The following MROH9 variants were observed in gnomAD, a reference collection of about 807,000 sequenced individuals.
The protein encoded by MROH9 is maestro heat like repeat family member 9, also known as maestro heat-like repeat-containing protein family member 9.
A neutral mutation model predicts 98.2 loss-of-function variants in MROH9; 92 were observed. The observed-to-expected ratio is 0.94, with a 90% CI of 0.79 to 1.11. The LOEUF (loss-of-function observed/expected upper bound fraction) is 1.11. MROH9 is among the 50% of genes most tolerant of loss of function. The pLI, the probability that MROH9 is intolerant of heterozygous loss-of-function variation, is 0.00. For missense variants in MROH9, 1,057 were observed against 1,014.8 expected (o/e 1.04, Z -0.57); for synonymous variants, 397 against 368.9 (o/e 1.08, Z -0.87).
In MROH9 at chr1:171,062,204, G is replaced by A; in HGVS notation, c.2344+10G>A. 2 of 1,534,096 alleles carry A rather than the reference G, an allele frequency of 1.3e-6. No homozygotes were observed. Among genetic ancestry groups the A allele is most frequent in the East Asian group, 2.5e-5 (1 of 40,766 alleles). On this transcript the variant is annotated intron_variant, in intron 21 of 21. Coordinates refer to ENST00000367759, the MANE Select transcript of MROH9 (RefSeq NM_001163629.2). ...GAAGTCATGCTTGATGGTGAGTATT[G>A]AGGTTATAACAAAATCTTTATGCAT...
At chr1:170,988,027 G>A (rs1651215109) in intron 10 of MROH9, among the ~76,000 whole-genome samples, 1 of 152,180 alleles carries the variant, frequency 6.6e-6, no homozygotes, top group Non-Finnish European at 1.5e-5. Context: ...AGGAACAATG[G>A]CAGACTCACA....
chr1:171,012,669 A>AT (rs1455724527), intron 15 of MROH9, among the ~76,000 whole-genome samples: 5 of 151,488 alleles, frequency 3.3e-5, no homozygotes, highest in African/African-American at 9.7e-5. Context: ...CGCCTGGCTA[A>AT]TTTTTTGTAT....
chr1:170,961,974 A>C lies in MROH9; in HGVS notation c.373A>C (p.Lys125Gln), dbSNP rs1294276333. The change falls in exon 6 of 22, where the codon AAG (lysine) becomes CAG (glutamine). Residue 125 changes from lysine (K) to glutamine (Q), a missense_variant and splice_region_variant. By Grantham distance (53) the Lys-to-Gln change is moderately conservative (BLOSUM62 1). Transcript: ENST00000367759. Reference sequence around the variant, plus strand: ...AGACCTCTACAAACTACAGATCTTAAAGGTAAAGAGGAAATAAGTAGTTTA... The same window carrying C: ...AGACCTCTACAAACTACAGATCTTACAGGTAAAGAGGAAATAAGTAGTTTA... Reference protein sequence around the residue: ...SKDLYKLQILKEMLVWMSKDS... With the variant: ...SKDLYKLQILQEMLVWMSKDS... 1 of 1,500,156 alleles carries C rather than the reference A, an allele frequency of 6.7e-7. No individual in the cohort carries two copies. The highest frequency in any genetic ancestry group is 9.1e-7 in the Non-Finnish European group (1 of 1,104,342). The allele number at this position is 1,500,156 out of a possible 1,614,324, so 92.9% of individuals were successfully genotyped here.
At chr1:171,051,455 G>T (rs1478009971) in intron 20 of MROH9, among the ~76,000 whole-genome samples, 1 of 152,044 alleles carries the variant, frequency 6.6e-6, no homozygotes, top group Non-Finnish European at 1.5e-5. Flanking sequence ...GGATGAAGCT[G>T]GAAGCCATTA....
intron 1 of MROH9, among the ~76,000 whole-genome samples, chr1:170,942,100 C>T (rs1383199080): frequency 6.6e-6 from 1 of 152,154 alleles, no homozygotes; most frequent in Non-Finnish European, 1.5e-5. Context: ...TGTTATCCTA[C>T]AGCTTTAATA....
chr1:170,944,429 A>G (rs1649241049), intron 1 of MROH9, among the ~76,000 whole-genome samples: 1 of 152,068 alleles, frequency 6.6e-6, no homozygotes, highest in African/African-American at 2.4e-5. Context: ...TAGTGATAAA[A>G]TCTGTTATGT....
At chr1:171,004,144 A>C (rs1291412189) in intron 15 of MROH9, among the ~76,000 whole-genome samples, 1 of 152,138 alleles carries the variant, frequency 6.6e-6, no homozygotes, top group Non-Finnish European at 1.5e-5. Context: ...GGCAGGCTTG[A>C]AAACTTGCCC....
intron 20 of MROH9, among the ~76,000 whole-genome samples, chr1:171,047,413 TTTGC>T (rs1187306850): frequency 6.6e-6 from 1 of 152,202 alleles, no homozygotes; most frequent in African/African-American, 2.4e-5. Flanking sequence ...CACTAATTCT[TTTGC>T]TTGATGAATT....
At chr1:171,028,333 T>C (rs1363602653) in intron 20 of MROH9, among the ~76,000 whole-genome samples, 1 of 152,148 alleles carries the variant, frequency 6.6e-6, no homozygotes, top group Non-Finnish European at 1.5e-5. Flanking sequence ...AATCAGATGA[T>C]TGTAGATGTG....
intron 20 of MROH9, 102 bp from the exon 21 acceptor site, chr1:171,062,030 A>G (rs1032985796): frequency 1.4e-6 from 1 of 698,444 alleles, no homozygotes; most frequent in Non-Finnish European, 2.5e-6. Flanking sequence ...TAATATAGAG[A>G]TGCTTTGCTT....
chr1:171,014,096 T>G (rs1301093325), intron 15 of MROH9, 21 bp from the exon 16 acceptor site: 2 of 1,545,690 alleles, frequency 1.3e-6, no homozygotes, highest in Non-Finnish European at 1.7e-6. Context: ...GCTTATAAAC[T>G]TATTAACTAT....
chr1:171,012,580 G>A (rs933977893), intron 15 of MROH9, among the ~76,000 whole-genome samples: 12 of 136,738 alleles, frequency 8.8e-5, no homozygotes, highest in Non-Finnish European at 1.1e-4. Context: ...TCGGCTCACC[G>A]CAAGCTCCGC....
rs752398649 is a variant in MROH9, at chr1:170,992,288, A to G, written c.1153A>G (p.Lys385Glu). The change falls in exon 12 of 22, where the codon AAA becomes GAA. Residue 385 changes from lysine to glutamate, a missense_variant. Lys to Glu is a moderately conservative substitution (Grantham distance 56). Coordinates refer to ENST00000367759, the MANE Select transcript of MROH9 (RefSeq NM_001163629.2). ...GEMEDTVTEG[K>E]RFSLDITNLM... ...AATGGAGGACACCGTAACGGAAGGG[A>G]AACGTTTCTCTCTTGATATTACCAA... 3 of 1,613,536 alleles carry G rather than the reference A, an allele frequency of 1.9e-6. No homozygotes were observed. The South Asian group carries it at 3.3e-5, about 18-fold the overall frequency.
intron 20 of MROH9, among the ~76,000 whole-genome samples, chr1:171,053,652 G>A (rs1401220166): frequency 6.6e-6 from 1 of 152,110 alleles, no homozygotes; most frequent in Non-Finnish European, 1.5e-5. Flanking sequence ...TATCATTGTT[G>A]CAGTTATTAG....
intron 20 of MROH9, among the ~76,000 whole-genome samples, chr1:171,046,229 A>T (rs1038124532): frequency 2.0e-5 from 3 of 152,044 alleles, no homozygotes; most frequent in African/African-American, 7.2e-5. Context: ...AGATCAATTA[A>T]CCTTACTTTT....
intron 15 of MROH9, among the ~76,000 whole-genome samples, chr1:171,001,737 G>A (rs1651789314): frequency 6.6e-6 from 1 of 152,100 alleles, no homozygotes; most frequent in Non-Finnish European, 1.5e-5. Flanking sequence ...GAAATACTCT[G>A]TATATATCAG....
chr1:170,941,085 T>C (rs1649102589), intron 1 of MROH9, among the ~76,000 whole-genome samples: 1 of 152,174 alleles, frequency 6.6e-6, no homozygotes, highest in South Asian at 2.1e-4. Context: ...ACTCCATTGA[T>C]CTCCTGACCT....
intron 11 of MROH9, among the ~76,000 whole-genome samples, chr1:170,991,814 GAACA>G (rs781717519): frequency 6.6e-5 from 10 of 151,616 alleles, no homozygotes; most frequent in Non-Finnish European, 1.0e-4. Context: ...TATTATTCCT[GAACA>G]AACAAAGTCA....
intron 7 of MROH9, 142 bp downstream of exon 7, chr1:170,965,397 G>A: frequency 1.8e-6 from 1 of 560,558 alleles, no homozygotes; most frequent in Middle Eastern, 2.7e-4. Flanking sequence ...ATCAGAAAAG[G>A]AGTCAATATC....
Sources: gnomAD v4.1 joint callset for allele counts (sites outside exome capture counted in the v4.1 genomes callset) on GRCh38, gnomAD v4.1.1 for gene constraint, MANE v1.5 for transcripts, NCBI Gene and HGNC (gene_info 2026-07-23, HGNC 2026-07-21) for gene names.